Variants in NBAS observed in about 807,000 individuals in gnomAD.
NBAS encodes the protein NAG/BC035112 fusion.
Under a neutral mutation model 302.5 loss-of-function variants are expected in NBAS, and 219 were observed. That is an observed-to-expected ratio of 0.72 (90% CI 0.65 to 0.81). The LOEUF is 0.81. NBAS is among the 30% of genes least tolerant of loss of function. NBAS has a pLI of 0.00. For missense variants in NBAS, 2,932 were observed against 2,841.6 expected (o/e 1.03, Z -0.72); for synonymous variants, 1,118 against 1,021.6 (o/e 1.09, Z -1.80).
At chr2:15,336,041 A>G (rs1288878314) in intron 35 of NBAS, among the ~76,000 whole-genome samples, 2 of 151,552 alleles carry the variant, frequency 1.3e-5, no homozygotes, top group Non-Finnish European at 2.9e-5. Flanking sequence ...GGCTACTGTG[A>G]GCTGTGATCA....
chr2:15,167,030 C>T lies in NBAS; in HGVS notation c.*18G>A. The T allele has an allele frequency of 6.6e-7, 1 of 1,517,104 alleles. No homozygotes were observed. Among genetic ancestry groups the T allele is most frequent in the Non-Finnish European group, 8.8e-7 (1 of 1,131,736 alleles). The allele number at this position is 1,517,104 out of a possible 1,614,324, so 94.0% of individuals were successfully genotyped here. A position where few individuals can be genotyped will look rare whatever the true frequency, so the allele number is the denominator to read the frequency against. Reference sequence around the variant, plus strand: ...TCCAGATGCTTTTTCTGCTAAGGAGCAGGGCCACAGGTGGCCCTCACACCC... The same window carrying T: ...TCCAGATGCTTTTTCTGCTAAGGAGTAGGGCCACAGGTGGCCCTCACACCC... On this transcript the variant is annotated 3_prime_UTR_variant, in exon 52 of 52. Transcript: ENST00000281513.
At chr2:15,439,112 G>A (rs940278239) in intron 21 of NBAS, among the ~76,000 whole-genome samples, 10 of 152,050 alleles carry the variant, frequency 6.6e-5, no homozygotes, top group Middle Eastern at 6.8e-3. Context: ...TGGCTAACAC[G>A]GTGAAACCCC....
chr2:15,461,153 T>A lies in NBAS; in HGVS notation c.2339+48A>T, dbSNP rs771677492. On this transcript the variant is annotated intron_variant, in intron 21 of 51. Coordinates refer to ENST00000281513, the MANE Select transcript of NBAS (RefSeq NM_015909.4). ...TAAGGTGTTCAGCATGACAAAAAAATTATCAATATAAAAAAGAAGGTAAAA... is the reference window on the plus strand; with the variant it reads ...TAAGGTGTTCAGCATGACAAAAAAAATATCAATATAAAAAAGAAGGTAAAA... The A allele has an allele frequency of 9.3e-6, 14 of 1,500,032 alleles. No individual in the cohort carries two copies. The East Asian group carries it at 2.3e-4, about 24-fold the overall frequency. The allele number at this position is 1,500,032 out of a possible 1,614,324, so 92.9% of individuals were successfully genotyped here.
downstream of NBAS, among the ~76,000 whole-genome samples, chr2:15,165,294 T>A (rs1039080655): frequency 2.0e-5 from 3 of 152,208 alleles, no homozygotes; most frequent in Non-Finnish European, 4.4e-5. Context: ...TCTAGGAAGC[T>A]TTTTTGGCCG....
At chr2:15,493,252 TACTC>T (rs1335600874) in intron 11 of NBAS, among the ~76,000 whole-genome samples, 1 of 152,218 alleles carries the variant, frequency 6.6e-6, no homozygotes, top group Non-Finnish European at 1.5e-5. Context: ...CTTTATAAAT[TACTC>T]AGTCTTAGGT....
chr2:15,554,233 A>AT, intron 3 of NBAS, 95 bp from the exon 4 acceptor site: 1 of 1,019,334 alleles, frequency 9.8e-7, no homozygotes, highest in Non-Finnish European at 1.5e-6. Flanking sequence ...AGAGACACAG[A>AT]TTTTTTTCCA....
chr2:15,390,775 T>C (rs1045406154), intron 28 of NBAS, among the ~76,000 whole-genome samples: 1 of 152,080 alleles, frequency 6.6e-6, no homozygotes. Flanking sequence ...TACAAAAATA[T>C]GATAGCATAC....
At chr2:15,177,622 C>A (rs540428051) in intron 51 of NBAS, among the ~76,000 whole-genome samples, 3 of 151,886 alleles carry the variant, frequency 2.0e-5, no homozygotes, top group Non-Finnish European at 4.4e-5. Context: ...ACACAGTGTA[C>A]GAGGGTGGGG....
At chr2:15,286,327 C>G (rs922348676) in intron 42 of NBAS, among the ~76,000 whole-genome samples, 1 of 152,176 alleles carries the variant, frequency 6.6e-6, no homozygotes, top group Non-Finnish European at 1.5e-5. Flanking sequence ...GTGATCTTAT[C>G]AAAATGCAAA....
intron 41 of NBAS, among the ~76,000 whole-genome samples, chr2:15,290,725 A>G (rs541840201): frequency 6.6e-6 from 1 of 152,190 alleles, no homozygotes; most frequent in Non-Finnish European, 1.5e-5. Flanking sequence ...GTTACTTTCA[A>G]ATTGGACACT....
intron 38 of NBAS, among the ~76,000 whole-genome samples, chr2:15,316,221 T>C (rs1671501820): frequency 6.6e-6 from 1 of 152,172 alleles, no homozygotes; most frequent in African/African-American, 2.4e-5. Context: ...ATGGCCAAAA[T>C]CAGAGGAAAT....
At chr2:15,118,364 T>C in the NBAS span, among the ~76,000 whole-genome samples, 1 of 152,316 alleles carries the variant, frequency 6.6e-6, no homozygotes, top group South Asian at 2.1e-4. Flanking sequence ...TTCTCAGCCA[T>C]TGTCATCACT....
chr2:15,552,771 C>T (rs74259677), intron 5 of NBAS, among the ~76,000 whole-genome samples: 1,897 of 151,056 alleles, frequency 0.013, 32 homozygotes, highest in East Asian at 0.056. Context: ...CAGTTTTGTA[C>T]CAACAGAGAA....
chr2:15,427,653 C>A, intron 22 of NBAS, 58 bp downstream of exon 22: 1 of 1,373,018 alleles, frequency 7.3e-7, no homozygotes, highest in Non-Finnish European at 1.0e-6. Flanking sequence ...TTTCACAGGG[C>A]CATCAGTTCA....
the NBAS span, among the ~76,000 whole-genome samples, chr2:15,072,715 A>G: frequency 6.6e-6 from 1 of 152,226 alleles, no homozygotes; most frequent in Non-Finnish European, 1.5e-5. Context: ...AAATATTATG[A>G]TAGTGACATT....
intron 44 of NBAS, among the ~76,000 whole-genome samples, chr2:15,242,505 A>G (rs1208917916): frequency 6.6e-6 from 1 of 152,160 alleles, no homozygotes; most frequent in Non-Finnish European, 1.5e-5. Context: ...TTCATTGCTG[A>G]AAGACTCCAG....
At chr2:15,374,134 CA>C (rs1473987211) in intron 31 of NBAS, among the ~76,000 whole-genome samples, 2 of 152,014 alleles carry the variant, frequency 1.3e-5, no homozygotes, top group African/African-American at 4.8e-5. Context: ...AAATTCTAAA[CA>C]AAAATTTCTT....
At chr2:14,782,486 G>A in the NBAS span, among the ~76,000 whole-genome samples, 1 of 152,178 alleles carries the variant, frequency 6.6e-6, no homozygotes, top group African/African-American at 2.4e-5. Flanking sequence ...AGAGAAAAGT[G>A]AACACTTATA....
chr2:15,218,738 T>C, intron 48 of NBAS, 35 bp downstream of exon 48: 2 of 1,613,804 alleles, frequency 1.2e-6, no homozygotes, highest in Non-Finnish European at 1.7e-6. Context: ...TAATTATTGT[T>C]AGTAAGAAAA....
Sources: gnomAD v4.1 joint callset for allele counts (sites outside exome capture counted in the v4.1 genomes callset) on GRCh38, gnomAD v4.1.1 for gene constraint, MANE v1.5 for transcripts, NCBI Gene and HGNC (gene_info 2026-07-23, HGNC 2026-07-21) for gene names.